ENPP6: variants seen among roughly 807,000 people sequenced by gnomAD.
The protein encoded by ENPP6 is ectonucleotide pyrophosphatase/phosphodiesterase 6, also known as glycerophosphocholine cholinephosphodiesterase ENPP6.
A neutral mutation model predicts 42.0 loss-of-function variants in ENPP6; 32 were observed. That is an observed-to-expected ratio of 0.76 (90% CI 0.58 to 1.02). The LOEUF (loss-of-function observed/expected upper bound fraction) is 1.02. Ranked by LOEUF, ENPP6 falls within the 50% of genes least tolerant of loss-of-function variation. The pLI is 0.00. For missense variants in ENPP6, 552 were observed against 566.8 expected (o/e 0.97, Z 0.27); for synonymous variants, 213 against 216.0 (o/e 0.99, Z 0.12).
intron 5 of ENPP6, among the ~76,000 whole-genome samples, chr4:184,114,257 C>T (rs1316857689): frequency 4.6e-5 from 7 of 152,148 alleles, no homozygotes; most frequent in South Asian, 2.1e-4. Flanking sequence ...TCAGCCATCG[C>T]GCCTGGCCCT....
At chr4:184,135,660 T>C (rs1401586043) in intron 2 of ENPP6, among the ~76,000 whole-genome samples, 1 of 148,364 alleles carries the variant, frequency 6.7e-6, no homozygotes, top group African/African-American at 2.5e-5. Context: ...TAAATTTCTA[T>C]CAAAATTTAA....
intron 1 of ENPP6, among the ~76,000 whole-genome samples, chr4:184,212,026 C>A (rs1248807974): frequency 6.6e-6 from 1 of 150,492 alleles, no homozygotes; most frequent in Non-Finnish European, 1.5e-5. Flanking sequence ...AAGCCTTTGA[C>A]AAAATTCAAC....
intron 7 of ENPP6, among the ~76,000 whole-genome samples, chr4:184,094,445 A>G (rs553816330): frequency 6.6e-6 from 1 of 152,334 alleles, no homozygotes; most frequent in South Asian, 2.1e-4. Context: ...TTCCCATCCC[A>G]CCTAGTTCGT....
At chr4:184,103,223 G>A (rs567367204) in intron 6 of ENPP6, among the ~76,000 whole-genome samples, 16 of 152,376 alleles carry the variant, frequency 1.1e-4, no homozygotes, top group African/African-American at 3.6e-4. Context: ...GATGCTGGTT[G>A]TTACACATTT....
At chr4:184,118,131 CG>C (rs1736357019) in intron 3 of ENPP6, among the ~76,000 whole-genome samples, 2 of 152,318 alleles carry the variant, frequency 1.3e-5, no homozygotes, top group African/African-American at 4.8e-5. Flanking sequence ...ACATAGAATT[CG>C]CAGTCTTTGA....
intron 2 of ENPP6, among the ~76,000 whole-genome samples, chr4:184,139,677 G>A (rs1736789641): frequency 1.1e-5 from 1 of 91,030 alleles, no homozygotes; most frequent in African/African-American, 4.1e-5. Context: ...TCCCTACAAA[G>A]GACATGAACT....
intron 1 of ENPP6, among the ~76,000 whole-genome samples, chr4:184,188,245 C>T (rs896436182): frequency 6.6e-6 from 1 of 152,132 alleles, no homozygotes; most frequent in African/African-American, 2.4e-5. Flanking sequence ...TTCCGTTGTG[C>T]CTGAAGCCTT....
intron 1 of ENPP6, among the ~76,000 whole-genome samples, chr4:184,155,903 ATTC>A (rs1489004622): frequency 1.3e-5 from 2 of 152,174 alleles, no homozygotes; most frequent in Non-Finnish European, 2.9e-5. Context: ...AAACTCACTC[ATTC>A]TTCTTTGTTC....
At chr4:184,095,514 G>A (rs967249032) in intron 7 of ENPP6, among the ~76,000 whole-genome samples, 32 of 151,930 alleles carry the variant, frequency 2.1e-4, no homozygotes, top group African/African-American at 7.0e-4. Flanking sequence ...ATAAAAATTA[G>A]CCAGGCGTGG....
intron 2 of ENPP6, among the ~76,000 whole-genome samples, chr4:184,142,034 C>G (rs780378866): frequency 7.9e-5 from 12 of 152,194 alleles, no homozygotes; most frequent in Non-Finnish European, 1.5e-4. Context: ...AAAACAGAGG[C>G]CTCCTATGGG....
intron 1 of ENPP6, among the ~76,000 whole-genome samples, chr4:184,154,957 G>T (rs1226520889): frequency 6.6e-6 from 1 of 152,174 alleles, no homozygotes; most frequent in East Asian, 1.9e-4. Context: ...TGTATTGTAG[G>T]CTGTGATAGA....
chr4:184,123,076 C>T (rs1237171030), intron 3 of ENPP6, among the ~76,000 whole-genome samples: 2 of 152,318 alleles, frequency 1.3e-5, no homozygotes. Flanking sequence ...ATGAACCCCA[C>T]CTCCCTGGAC....
chr4:184,150,546 T>C (rs1173089994), intron 2 of ENPP6, among the ~76,000 whole-genome samples: 1 of 152,224 alleles, frequency 6.6e-6, no homozygotes, highest in African/African-American at 2.4e-5. Flanking sequence ...CATTGGGCTA[T>C]TGGCTGAGGC....
At chr4:184,129,205 G>A (rs73003755) in intron 2 of ENPP6, among the ~76,000 whole-genome samples, 3,751 of 151,918 alleles carry the variant, frequency 0.025, 152 homozygotes, top group African/African-American at 0.087. Context: ...GCATGTAAGC[G>A]TTCTTCTATT....
At chr4:184,171,588 G>T (rs74503163) in intron 1 of ENPP6, among the ~76,000 whole-genome samples, 3,104 of 152,200 alleles carry the variant, frequency 0.02, 45 homozygotes, top group Non-Finnish European at 0.033. Flanking sequence ...ATAATTAAGC[G>T]GTGTCACGAG....
At chr4:184,181,613 A>G (rs1732552400) in intron 1 of ENPP6, among the ~76,000 whole-genome samples, 1 of 152,238 alleles carries the variant, frequency 6.6e-6, no homozygotes, top group South Asian at 2.1e-4. Flanking sequence ...TTCAAACTAT[A>G]CTACAAGGCT....
intron 1 of ENPP6, among the ~76,000 whole-genome samples, chr4:184,195,375 G>A (rs1732779316): frequency 6.6e-6 from 1 of 152,192 alleles, no homozygotes; most frequent in African/African-American, 2.4e-5. Context: ...GTGACAACAT[G>A]TGGTATTTGG....
chr4:184,122,775 C>G (rs1276077302), intron 3 of ENPP6, among the ~76,000 whole-genome samples: 2 of 152,226 alleles, frequency 1.3e-5, no homozygotes, highest in South Asian at 2.1e-4. Context: ...TGTATGACAA[C>G]TCTAACCCGA....
In ENPP6 at chr4:184,151,202, G is replaced by T. The variant is rs531278783; in HGVS notation, c.421+2352C>A. On this transcript the variant is annotated intron_variant, in intron 2 of 7. Coordinates refer to ENST00000296741, the MANE Select transcript of ENPP6 (RefSeq NM_153343.4). ...AAAATACAAAAATTAGCCAGGCGTG[G>T]TGGTGCACGCCTGTAATCCCAGCTA... 2.2e-4 allele frequency among the ~76,000 whole-genome samples: 33 copies of T among 152,336 alleles called. 1 individual carries two copies. In the South Asian group the frequency reaches 5.4e-3, roughly 25 times the overall value.
Sources: gnomAD v4.1 joint callset for allele counts (sites outside exome capture counted in the v4.1 genomes callset) on GRCh38, gnomAD v4.1.1 for gene constraint, MANE v1.5 for transcripts, NCBI Gene and HGNC (gene_info 2026-07-23, HGNC 2026-07-21) for gene names.